The following LRRIQ1 variants were observed in gnomAD, a reference collection of about 807,000 sequenced individuals.
LRRIQ1 encodes leucine-rich repeat- and IQ domain-containing protein 1.
In LRRIQ1, 210 loss-of-function variants were observed where a neutral mutation model predicts 211.9. The ratio of observed to expected loss-of-function variants is 0.99; its 90% CI spans 0.89 to 1.11. The LOEUF is 1.11. LRRIQ1 is among the 50% of genes most tolerant of loss of function. The probability of loss-of-function intolerance (pLI) is 0.00; values close to 1 mark genes in which losing one functional copy is unlikely to be tolerated. For missense variants in LRRIQ1, 2,136 were observed against 1,939.5 expected (o/e 1.10, Z -1.90); for synonymous variants, 699 against 650.1 (o/e 1.08, Z -1.14).
At chr12:85,225,262 C>T (rs1311934040) in intron 24 of LRRIQ1, among the ~76,000 whole-genome samples, 1 of 152,020 alleles carries the variant, frequency 6.6e-6, no homozygotes, top group East Asian at 1.9e-4. Context: ...ATGCCATTTC[C>T]TATCAGGGAC....
intron 24 of LRRIQ1, among the ~76,000 whole-genome samples, chr12:85,164,582 AT>A (rs1373941522): frequency 6.6e-6 from 1 of 152,136 alleles, no homozygotes; most frequent in Non-Finnish European, 1.5e-5. Context: ...AGTTCTCTTT[AT>A]TCCATTTATT....
At chr12:85,243,292 T>C (rs1375380881) in intron 26 of LRRIQ1, among the ~76,000 whole-genome samples, 1 of 145,686 alleles carries the variant, frequency 6.9e-6, no homozygotes, top group African/African-American at 2.5e-5. Context: ...TTGAAATACA[T>C]TTCAAAAATA....
intron 24 of LRRIQ1, among the ~76,000 whole-genome samples, chr12:85,190,493 A>G (rs1892454050): frequency 1.4e-5 from 2 of 148,050 alleles, no homozygotes; most frequent in Non-Finnish European, 3.0e-5. Flanking sequence ...ATTATATACA[A>G]TTTTATAGTT....
In LRRIQ1 at chr12:85,193,013, T is replaced by C. The variant is rs1306513031; in HGVS notation, c.4822+32299T>C. 1.0e-4 allele frequency among the ~76,000 whole-genome samples: 3 copies of C among 29,084 alleles called. No homozygotes were observed. In the East Asian group the frequency reaches 1.4e-3, roughly 13 times the overall value. 19.1% of individuals were successfully genotyped at this position (29,084 alleles called of 152,430 possible). ...TATAATATAATATATAAATATATAA[T>C]TATATAATATATTTATTATATTATA... is the stretch of plus-strand genomic sequence containing the variant. On this transcript the variant is annotated intron_variant, in intron 24 of 26. Transcript: ENST00000393217.
intron 11 of LRRIQ1, among the ~76,000 whole-genome samples, chr12:85,097,924 G>C (rs1438652681): frequency 6.6e-6 from 1 of 152,072 alleles, no homozygotes; most frequent in Admixed American, 6.6e-5. Context: ...TAATTCATTG[G>C]TTCTGTATTC....
rs867116619 is a variant in LRRIQ1, at chr12:85,250,933, T to A, written c.121+6024T>A. Among the ~76,000 whole-genome samples, 12 of 69,492 alleles carry A rather than the reference T, an allele frequency of 1.7e-4. 1 individual carries two copies. The highest frequency in any genetic ancestry group is 4.3e-3 in the Middle Eastern group (1 of 232). The allele number at this position is 69,492 out of a possible 152,430, so 45.6% of individuals were successfully genotyped here. The stretch of plus-strand genomic sequence containing the variant: ...ATAATATATTTTATATATTATATAT[T>A]ATATATAATATATTTTATATATTAT... On this transcript the variant is annotated intron_variant, in intron 1 of 1. Coordinates refer to the LRRIQ1 transcript ENST00000602731.
intron 26 of LRRIQ1, among the ~76,000 whole-genome samples, chr12:85,240,382 GA>G (rs912600506): frequency 1.3e-5 from 2 of 152,062 alleles, no homozygotes; most frequent in African/African-American, 4.8e-5. Context: ...CCACTCTGGA[GA>G]AAAAAACTTT....
At chr12:85,182,202 A>T (rs1013417593) in intron 24 of LRRIQ1, among the ~76,000 whole-genome samples, 1 of 152,100 alleles carries the variant, frequency 6.6e-6, no homozygotes, top group Non-Finnish European at 1.5e-5. Flanking sequence ...TTCTGTTTTT[A>T]AAAATATTAA....
chr12:85,176,782 G>T (rs1009937563), intron 24 of LRRIQ1, among the ~76,000 whole-genome samples: 1 of 151,940 alleles, frequency 6.6e-6, no homozygotes, highest in Non-Finnish European at 1.5e-5. Flanking sequence ...AAGAATTTTA[G>T]ATGGGTCTAT....
chr12:85,192,244 G>A (rs1349807706), intron 24 of LRRIQ1, among the ~76,000 whole-genome samples: 1 of 150,170 alleles, frequency 6.7e-6, no homozygotes, highest in East Asian at 1.9e-4. Context: ...ACTTATACAT[G>A]AGAACAAGTG....
At position 85,121,747 on chromosome 12, in the gene LRRIQ1, T is replaced by C; in HGVS notation, c.3428T>C (p.Ile1143Thr). The C allele has an allele frequency of 6.2e-7, 1 of 1,607,486 alleles. No individual in the cohort carries two copies. Among genetic ancestry groups the C allele is most frequent in the Non-Finnish European group, 8.5e-7 (1 of 1,176,894 alleles). Residue 1143 changes from isoleucine (I) to threonine (T), a missense_variant, in exon 16 of 27, where the codon ATA becomes ACA. Physicochemically the swap from Ile to Thr is moderately conservative, Grantham distance 89. Transcript: ENST00000393217. ...LPALRILNGNILNSNSESRTE... is the reference protein window; with the variant it reads ...LPALRILNGNTLNSNSESRTE... Reference sequence around the variant, plus strand: ...GCTCTGAGAATCCTCAATGGCAATATACTAAACTCTAATTCAGAAAGCCGC... The same window carrying C: ...GCTCTGAGAATCCTCAATGGCAATACACTAAACTCTAATTCAGAAAGCCGC...
chr12:85,059,724 C>T (rs1450341761), intron 8 of LRRIQ1, among the ~76,000 whole-genome samples: 1 of 151,716 alleles, frequency 6.6e-6, no homozygotes, highest in Admixed American at 6.6e-5. Flanking sequence ...GAATTCCAGT[C>T]GAAATATTTA....
At chr12:85,161,381 T>TA (rs1293913096) in intron 24 of LRRIQ1, among the ~76,000 whole-genome samples, 11 of 152,182 alleles carry the variant, frequency 7.2e-5, no homozygotes, top group African/African-American at 2.4e-4. Flanking sequence ...GTTTTTATAC[T>TA]AAAAAATTGT....
chr12:85,114,623 G>T (rs1887440865), intron 15 of LRRIQ1, among the ~76,000 whole-genome samples: 1 of 151,974 alleles, frequency 6.6e-6, no homozygotes, highest in South Asian at 2.1e-4. Context: ...GAGTTTATGT[G>T]ATTTAGAGTT....
Position 85,076,866 on chromosome 12 carries a change from A to C in LRRIQ1, c.2887+3768A>C, listed in dbSNP as rs1565812094. On this transcript the variant is annotated intron_variant, in intron 11 of 26. Coordinates refer to ENST00000393217, the MANE Select transcript of LRRIQ1 (RefSeq NM_001079910.2). ...ACACAATGCTTAGTGTAAAGCTGAAAGGGATCTTAGGTATCTCGCCAGTCT... is the reference window on the plus strand; with the variant it reads ...ACACAATGCTTAGTGTAAAGCTGAACGGGATCTTAGGTATCTCGCCAGTCT... Among the ~76,000 whole-genome samples, 7 of 152,032 alleles carry C rather than the reference A, an allele frequency of 4.6e-5. No individual in the cohort carries two copies. The South Asian group carries it at 1.5e-3, about 32-fold the overall frequency.
intron 14 of LRRIQ1, among the ~76,000 whole-genome samples, chr12:85,104,979 G>A (rs943291679): frequency 6.6e-6 from 1 of 152,012 alleles, no homozygotes; most frequent in African/African-American, 2.4e-5. Context: ...GTTTTAGTTT[G>A]CATTGACCTG....
At chr12:85,196,199 A>G (rs1357291948) in intron 24 of LRRIQ1, among the ~76,000 whole-genome samples, 1 of 152,176 alleles carries the variant, frequency 6.6e-6, no homozygotes, top group Admixed American at 6.6e-5. Context: ...ATGGAAGAAC[A>G]TACCATGCTC....
At chr12:85,124,047 G>A (rs774416125) in intron 16 of LRRIQ1, 23 bp from the exon 17 acceptor site, 2 of 1,547,368 alleles carry the variant, frequency 1.3e-6, no homozygotes, top group South Asian at 2.3e-5. Flanking sequence ...CTTATTAAAT[G>A]TTCTCATCAT....
the LRRIQ1 span, among the ~76,000 whole-genome samples, chr12:85,270,038 A>G: frequency 6.6e-6 from 1 of 151,926 alleles, no homozygotes; most frequent in Non-Finnish European, 1.5e-5. Flanking sequence ...TCCCATCATG[A>G]GGACCCCACC....
Sources: allele counts gnomAD v4.1 joint callset (sites outside exome capture counted in the v4.1 genomes callset), GRCh38; gene constraint gnomAD v4.1.1; transcripts MANE v1.5; gene names NCBI Gene and HGNC (gene_info 2026-07-23, HGNC 2026-07-21).